ASXL1: variants seen among roughly 807,000 people sequenced by gnomAD.
ASXL1 encodes the protein polycomb group protein ASXL1.
ASXL1 carries 65 observed loss-of-function variants against 89.1 expected under a neutral mutation model. That is an observed-to-expected ratio of 0.73 (90% CI 0.60 to 0.90). The LOEUF (loss-of-function observed/expected upper bound fraction) is 0.90. ASXL1 is among the 40% of genes least tolerant of loss of function. The probability of loss-of-function intolerance (pLI) is 0.00; values close to 1 mark genes in which losing one functional copy is unlikely to be tolerated. For missense variants in ASXL1, 1,786 were observed against 1,942.9 expected (o/e 0.92, Z 1.52); for synonymous variants, 739 against 746.9 (o/e 0.99, Z 0.17).
Position 32,436,220 on chromosome 20 carries a change from T to C in ASXL1, c.3508T>C (p.Leu1170=). The C allele has an allele frequency of 6.2e-7, 1 of 1,614,218 alleles. No individual in the cohort carries two copies. The highest frequency in any genetic ancestry group is 8.5e-7 in the Non-Finnish European group (1 of 1,180,042). The change falls in exon 13 of 13, where the codon TTA becomes CTA. Residue 1170 remains leucine, a synonymous_variant. Coordinates refer to ENST00000375687, the MANE Select transcript of ASXL1 (RefSeq NM_015338.6). The stretch of plus-strand genomic sequence containing the variant: ...GGTTGATGGAAGCAGCCCCAGTTCT[T>C]TAAGGGCTTTGAAGGAGCCTCTTCT... ...GMVDGSSPSS[L]RALKEPLLPD...
At chr20:32,418,964 C>G (rs895788473) in intron 4 of ASXL1, among the ~76,000 whole-genome samples, 1 of 151,470 alleles carries the variant, frequency 6.6e-6, no homozygotes, top group African/African-American at 2.4e-5. Flanking sequence ...TTGCGAGTAG[C>G]TAGGATTACA....
At chr20:32,399,747 CTTTTTTTTTTTTTTTT>C (rs369127811) in intron 4 of ASXL1, among the ~76,000 whole-genome samples, 6 of 73,890 alleles carry the variant, frequency 8.1e-5, no homozygotes, top group East Asian at 3.1e-4. Flanking sequence ...ATATTTTACT[CTTTTTTTTTTTTTTTT>C]TTTTTTTTTT....
At chr20:32,430,358 T>G (rs2011479167) in intron 8 of ASXL1, 1 of 334,056 alleles carries the variant, frequency 3.0e-6, no homozygotes, top group East Asian at 4.7e-5. Context: ...CTTCTGAGCT[T>G]CTCAGTGAAG....
At chr20:32,411,694 A>T (rs922315830) in intron 4 of ASXL1, among the ~76,000 whole-genome samples, 2 of 150,224 alleles carry the variant, frequency 1.3e-5, no homozygotes, top group African/African-American at 4.9e-5. Flanking sequence ...GGTTTGTGCC[A>T]CCACACCCAG....
Position 32,429,264 on chromosome 20 carries a change from A to G in ASXL1, c.472-74A>G, listed in dbSNP as rs749227979. On this transcript the variant is annotated intron_variant, in intron 6 of 12. Coordinates refer to ENST00000375687, the MANE Select transcript of ASXL1 (RefSeq NM_015338.6). The surrounding 1 kb of genome is among the most constrained non-coding windows in gnomAD (Gnocchi z 4.9). ...TCATTTTACAAGAGCGTGAGTAGAG[A>G]TAGTGTCGCCAGGGAATGCTTTTGT... is the stretch of plus-strand genomic sequence containing the variant. 5.7e-6 allele frequency: 8 copies of G among 1,404,264 alleles called. No homozygotes were observed. Among genetic ancestry groups the G allele is most frequent in the Non-Finnish European group, 8.0e-6 (8 of 1,002,522 alleles). 87.0% of individuals were successfully genotyped at this position (1,404,264 alleles called of 1,614,324 possible).
intron 4 of ASXL1, among the ~76,000 whole-genome samples, chr20:32,373,057 A>G (rs112548831): frequency 0.021 from 3,163 of 147,500 alleles, 107 homozygotes; most frequent in African/African-American, 0.075. Context: ...GTTTACATGC[A>G]TGAGCCACCT....
intron 1 of ASXL1, among the ~76,000 whole-genome samples, chr20:32,363,022 G>A (rs1391213682): frequency 1.3e-5 from 2 of 151,068 alleles, no homozygotes; most frequent in African/African-American, 4.9e-5. Flanking sequence ...TTTCCCCTTT[G>A]AAGTAAGAGA....
chr20:32,364,855 T>G (rs1362910040), intron 1 of ASXL1, among the ~76,000 whole-genome samples: 2 of 152,234 alleles, frequency 1.3e-5, no homozygotes, highest in Admixed American at 6.5e-5. Flanking sequence ...TTCCATGTGT[T>G]TGTTGAATGA....
At chr20:32,369,843 C>G (rs1288475588) in intron 4 of ASXL1, among the ~76,000 whole-genome samples, 1 of 149,736 alleles carries the variant, frequency 6.7e-6, no homozygotes, top group African/African-American at 2.4e-5. Flanking sequence ...ATTCTTCTGC[C>G]TCAGCCTCCT....
intron 4 of ASXL1, among the ~76,000 whole-genome samples, chr20:32,410,994 T>A (rs1191390834): frequency 7.6e-6 from 1 of 132,076 alleles, no homozygotes; most frequent in African/African-American, 2.9e-5. Flanking sequence ...ATCGTGCCAC[T>A]GCACTCCAGC....
chr20:32,430,093 G>A lies in ASXL1; in HGVS notation c.718+40G>A, dbSNP rs1049852826. ...ACTTATTTCTCTGCCTGTAAAGGGGGCCCCTGCAGGCCTAGTGAGAAGATG... is the reference window on the plus strand; with the variant it reads ...ACTTATTTCTCTGCCTGTAAAGGGGACCCCTGCAGGCCTAGTGAGAAGATG... On this transcript the variant is annotated intron_variant, in intron 8 of 12. Transcript: ENST00000375687. The A allele has an allele frequency of 6.9e-6, 11 of 1,591,034 alleles. No individual in the cohort carries two copies. The East Asian group carries it at 8.9e-5, about 13-fold the overall frequency.
At chr20:32,431,914 T>TC (rs2011528078) in intron 10 of ASXL1, among the ~76,000 whole-genome samples, 1 of 152,214 alleles carries the variant, frequency 6.6e-6, no homozygotes, top group African/African-American at 2.4e-5. Flanking sequence ...TCATTCATCA[T>TC]CTCCTTTTTA....
chr20:32,424,813 G>A (rs2011227180), intron 4 of ASXL1, among the ~76,000 whole-genome samples: 1 of 152,028 alleles, frequency 6.6e-6, no homozygotes, highest in South Asian at 2.1e-4. Flanking sequence ...TTATAATTGT[G>A]GGAATGTAAT....
rs1569336933 is a variant in ASXL1 at position 32,436,284 on chromosome 20, T to C, written c.3572T>C (p.Ile1191Thr). Residue 1191 changes from isoleucine to threonine, a missense_variant, in exon 13 of 13, where the codon ATT (isoleucine) becomes ACT (threonine). By Grantham distance (89) the Ile-to-Thr change is moderately conservative. Around this residue, in one of 3 missense-constraint regions of ASXL1, gnomAD observed 1,418 missense variants for 1,427.8 expected, o/e 0.99. Transcript: ENST00000375687. Reference protein sequence around the residue: ...SCETGTGLARIEATQAPGAPQ... With the variant: ...SCETGTGLARTEATQAPGAPQ... ...GAAACAGGCACTGGTCTTGCCAGGA[T>C]TGAGGCCACCCAGGCTCCTGGAGCA... 3.1e-6 allele frequency: 5 copies of C among 1,614,222 alleles called. No individual in the cohort carries two copies. Among genetic ancestry groups the C allele is most frequent in the Non-Finnish European group, 3.4e-6 (4 of 1,180,046 alleles).
At chr20:32,391,054 A>AT (rs1205585728) in intron 4 of ASXL1, among the ~76,000 whole-genome samples, 109 of 146,628 alleles carry the variant, frequency 7.4e-4, no homozygotes, top group African/African-American at 1.3e-3. Context: ...TGTTCAGCTA[A>AT]TTTTTTTTTT....
intron 4 of ASXL1, among the ~76,000 whole-genome samples, chr20:32,379,538 T>C (rs1304612736): frequency 1.3e-5 from 2 of 151,404 alleles, no homozygotes; most frequent in African/African-American, 4.8e-5. Flanking sequence ...TTACATAAGA[T>C]GTCACGGCCA....
intron 12 of ASXL1, 105 bp from the exon 13 acceptor site, chr20:32,434,327 C>A (rs866802248): frequency 1.2e-5 from 17 of 1,361,842 alleles, no homozygotes; most frequent in Non-Finnish European, 1.8e-5. Flanking sequence ...TTATTTGATT[C>A]TGTATGCCAT....
rs190455096 is a variant in ASXL1 at position 32,363,027 on chromosome 20, A to G, written c.58-3357A>G. ...CAAACATTTTTTTCCCCTTTGAAGT[A>G]AGAGAAGAGATACTTAAAAAAAAAA... On this transcript the variant is annotated intron_variant, in intron 1 of 12. Coordinates refer to ENST00000375687, the MANE Select transcript of ASXL1 (RefSeq NM_015338.6). 1.2e-3 allele frequency among the ~76,000 whole-genome samples: 187 copies of G among 151,984 alleles called. 1 individual carries two copies. The highest frequency in any genetic ancestry group is 4.2e-3 in the African/African-American group (172 of 41,256).
intron 2 of ASXL1, 100 bp from the exon 3 acceptor site, chr20:32,367,627 A>G: frequency 1.3e-6 from 1 of 769,050 alleles, no homozygotes; most frequent in Non-Finnish European, 2.4e-6. Flanking sequence ...ACTTGTACTT[A>G]TCCACTGTGT....
Sources: allele counts gnomAD v4.1 joint callset (sites outside exome capture counted in the v4.1 genomes callset), GRCh38; gene constraint gnomAD v4.1.1; regional missense constraint gnomAD v4.1.1; non-coding constraint Gnocchi (gnomAD v3.1); transcripts MANE v1.5; gene names NCBI Gene and HGNC (gene_info 2026-07-23, HGNC 2026-07-21).